PCSK6: variants seen among roughly 807,000 people sequenced by gnomAD.
PCSK6 encodes the protein proprotein convertase subtilisin/kexin type 6.
Under a neutral mutation model 123.3 loss-of-function variants are expected in PCSK6, and 85 were observed. The observed-to-expected ratio is 0.69, with a 90% CI of 0.58 to 0.83. The LOEUF is 0.83. Among genes scored for constraint, PCSK6 ranks in the 40% least tolerant of loss-of-function variants. The probability of loss-of-function intolerance (pLI) is 0.00; values close to 1 mark genes in which losing one functional copy is unlikely to be tolerated. For synonymous variants in PCSK6, 508 were observed against 516.0 expected, an observed-to-expected ratio of 0.98 and a Z score of 0.21; for missense variants, 1,191 against 1,282.3, an observed-to-expected ratio of 0.93 and a Z score of 1.09.
At position 101,307,510 on chromosome 15, in the gene PCSK6, G is replaced by T. The variant is rs904028480; in HGVS notation, c.2700-185C>A. The T allele has an allele frequency of 1.4e-5, 8 of 568,912 alleles. No homozygotes were observed. The African/African-American group carries it at 1.5e-4, about 11-fold the overall frequency. The allele number at this position is 568,912 out of a possible 1,614,324, so 35.2% of individuals were successfully genotyped here. A position where few individuals can be genotyped will look rare whatever the true frequency, so the allele number is the denominator to read the frequency against. On this transcript the variant is annotated intron_variant, in intron 20 of 21. Coordinates refer to ENST00000611716, the MANE Select transcript of PCSK6 (RefSeq NM_002570.5). ...TGAGTGTCTGCATGTCTTTTCTCCT[G>T]TCTGACCTCACTATTGCCCTGGGAG...
At chr15:101,431,575 G>A (rs1009719328) in intron 3 of PCSK6, 112 bp from the exon 4 acceptor site, 10 of 1,288,384 alleles carry the variant, frequency 7.8e-6, no homozygotes, top group Non-Finnish European at 1.1e-5. Context: ...AAAAAAGGAG[G>A]GAACACCTAT....
At chr15:101,413,178 C>A (rs1232804070) in intron 6 of PCSK6, among the ~76,000 whole-genome samples, 1 of 152,078 alleles carries the variant, frequency 6.6e-6, no homozygotes, top group Admixed American at 6.5e-5. Flanking sequence ...ATGGTTGAAG[C>A]AAAAATTACA....
intron 13 of PCSK6, chr15:101,346,881 T>C: frequency 1.6e-6 from 2 of 1,231,742 alleles, no homozygotes; most frequent in Non-Finnish European, 2.0e-6. Flanking sequence ...GTTGGTTGCA[T>C]TTCTCCCCGA....
At chr15:101,369,502 T>C (rs2041511215) in intron 12 of PCSK6, among the ~76,000 whole-genome samples, 1 of 152,176 alleles carries the variant, frequency 6.6e-6, no homozygotes, top group African/African-American at 2.4e-5. Flanking sequence ...CTGGGGGGCT[T>C]CCTGCAGATG....
intron 13 of PCSK6, among the ~76,000 whole-genome samples, chr15:101,345,212 A>C (rs1221972036): frequency 6.6e-6 from 1 of 152,206 alleles, no homozygotes; most frequent in Admixed American, 6.5e-5. Flanking sequence ...CATTTCAACC[A>C]ACATTTAAAA....
At chr15:101,390,109 G>A (rs6598465) in intron 8 of PCSK6, among the ~76,000 whole-genome samples, 49,574 of 91,522 alleles carry the variant, frequency 0.54, 15,778 homozygotes, top group Non-Finnish European at 0.6. Context: ...ACGTCCTCCT[G>A]AAGAAGCAGA....
intron 19 of PCSK6, among the ~76,000 whole-genome samples, chr15:101,314,378 A>G (rs900414): frequency 0.43 from 65,371 of 152,094 alleles, 18,100 homozygotes; most frequent in African/African-American, 0.8. Context: ...GCAGTGAAGT[A>G]GTCACTGACT....
intron 13 of PCSK6, among the ~76,000 whole-genome samples, chr15:101,351,299 T>A (rs1014910371): frequency 6.6e-6 from 1 of 152,242 alleles, no homozygotes; most frequent in Admixed American, 6.5e-5. Flanking sequence ...CTTAAAAATG[T>A]TTCATGTCTG....
intron 1 of PCSK6, among the ~76,000 whole-genome samples, chr15:101,445,584 C>T (rs1207308681): frequency 1.3e-5 from 2 of 152,116 alleles, no homozygotes; most frequent in African/African-American, 4.8e-5. Flanking sequence ...AACTGCCACA[C>T]GTGTCAAAAG....
In PCSK6 at chr15:101,342,728, C is replaced by T. The variant is rs565515805; in HGVS notation, c.1859-10697G>A. Among the ~76,000 whole-genome samples the T allele has an allele frequency of 2.6e-5, 4 of 152,322 alleles. No individual in the cohort carries two copies. In the East Asian group the frequency reaches 7.7e-4, roughly 29 times the overall value. Reference sequence around the variant, plus strand: ...ACCAGCCTGGCCAACATGGCAAAACCCTGTCTCTGCTAAAAGTACACAAAT... The same window carrying T: ...ACCAGCCTGGCCAACATGGCAAAACTCTGTCTCTGCTAAAAGTACACAAAT... On this transcript the variant is annotated intron_variant, in intron 13 of 21. Transcript: ENST00000611716.
rs149973833 is a variant in PCSK6 at position 101,410,875 on chromosome 15, C to T, written c.824-12299G>A. On this transcript the variant is annotated intron_variant, in intron 6 of 21. Coordinates refer to ENST00000611716, the MANE Select transcript of PCSK6 (RefSeq NM_002570.5). The stretch of plus-strand genomic sequence containing the variant: ...GGGAAACGGCCATGATCATGTCCAG[C>T]GCACAGAGGCACACTAAGAACTGGA... Among the ~76,000 whole-genome samples the T allele has an allele frequency of 4.0e-3, 602 of 152,300 alleles. 4 individuals carry two copies. The highest frequency in any genetic ancestry group is 5.5e-3 in the Non-Finnish European group (376 of 68,026).
chr15:101,355,113 C>A (rs1298795522), intron 13 of PCSK6, among the ~76,000 whole-genome samples: 1 of 152,166 alleles, frequency 6.6e-6, no homozygotes, highest in East Asian at 1.9e-4. Flanking sequence ...AAAAACACAG[C>A]ACATGTGGGT....
At chr15:101,318,785 A>C (rs921597188) in intron 18 of PCSK6, among the ~76,000 whole-genome samples, 9 of 152,238 alleles carry the variant, frequency 5.9e-5, no homozygotes, top group Non-Finnish European at 1.3e-4. Context: ...TCTCAGTGTC[A>C]AGTCCCTCTT....
intron 6 of PCSK6, among the ~76,000 whole-genome samples, chr15:101,404,271 C>A (rs1024276795): frequency 6.6e-6 from 1 of 152,190 alleles, no homozygotes; most frequent in South Asian, 2.1e-4. Flanking sequence ...AAGTTCCTTT[C>A]CCCCTTTTAT....
In PCSK6 at chr15:101,319,268, C is replaced by T. The variant is rs531338702; in HGVS notation, c.2466-846G>A. 2.6e-5 allele frequency among the ~76,000 whole-genome samples: 4 copies of T among 152,298 alleles called. No homozygotes were observed. In the South Asian group the frequency reaches 8.3e-4, roughly 32 times the overall value. ...TATCTCTTTAGTTCCTGAGATTATA[C>T]TGTGTACAGTCTGTGACGTACATGT... On this transcript the variant is annotated intron_variant, in intron 18 of 21. Coordinates refer to ENST00000611716, the MANE Select transcript of PCSK6 (RefSeq NM_002570.5).
chr15:101,453,204 T>C (rs1405281873), intron 1 of PCSK6, among the ~76,000 whole-genome samples: 1 of 152,144 alleles, frequency 6.6e-6, no homozygotes, highest in East Asian at 1.9e-4. Flanking sequence ...AGGAATTATT[T>C]TGTAAAAGAG....
In PCSK6 at chr15:101,314,121, A is replaced by G. The variant is rs1234861644; in HGVS notation, c.2570-616T>C. Among the ~76,000 whole-genome samples, 3 of 152,222 alleles carry G rather than the reference A, an allele frequency of 2.0e-5. No homozygotes were observed. In the East Asian group the frequency reaches 5.8e-4, roughly 29 times the overall value. On this transcript the variant is annotated intron_variant, in intron 19 of 21. Transcript: ENST00000611716. ...GTGTTGACAGGTGTTTGGTGTGTACAGCCAGGGCGTTTTCAACAACAGAGA... is the reference window on the plus strand; with the variant it reads ...GTGTTGACAGGTGTTTGGTGTGTACGGCCAGGGCGTTTTCAACAACAGAGA...
chr15:101,363,324 G>A (rs995284811), intron 13 of PCSK6, among the ~76,000 whole-genome samples: 3 of 152,286 alleles, frequency 2.0e-5, no homozygotes, highest in African/African-American at 7.2e-5. Context: ...TGGTGTGCCC[G>A]GTTTCCAGGG....
At chr15:101,470,542 C>G (rs961668998) in intron 1 of PCSK6, among the ~76,000 whole-genome samples, 1 of 152,086 alleles carries the variant, frequency 6.6e-6, no homozygotes, top group African/African-American at 2.4e-5. Context: ...GTTTAATGTC[C>G]TTTCATTTCT....
Sources: allele counts gnomAD v4.1 joint callset (sites outside exome capture counted in the v4.1 genomes callset), GRCh38; gene constraint gnomAD v4.1.1; transcripts MANE v1.5; gene names NCBI Gene and HGNC (gene_info 2026-07-23, HGNC 2026-07-21).